The following SLC22A8 variants were observed in gnomAD, a reference collection of about 807,000 sequenced individuals.
The protein encoded by SLC22A8 is organic anion transporter 3.
SLC22A8 carries 40 observed loss-of-function variants against 48.4 expected under a neutral mutation model. The ratio of observed to expected loss-of-function variants is 0.83; its 90% confidence interval spans 0.64 to 1.08. The LOEUF (loss-of-function observed/expected upper bound fraction) is 1.08. Among genes scored for constraint, SLC22A8 ranks in the 50% least tolerant of loss-of-function variants. The pLI, the probability that SLC22A8 is intolerant of heterozygous loss-of-function variation, is 0.00. For missense variants in SLC22A8, 606 were observed against 699.0 expected (o/e 0.87, Z 1.50); for synonymous variants, 268 against 286.3 (o/e 0.94, Z 0.65).
chr11:62,996,078 A>G lies in SLC22A8; in HGVS notation c.836T>C (p.Val279Ala). ...TTCCTTCTTGCCATTGAAGACAGCCACCCGCCGGAGTATCTTCAGGGCCTT... is the reference window on the plus strand; with the variant it reads ...TTCCTTCTTGCCATTGAAGACAGCCGCCCGCCGGAGTATCTTCAGGGCCTT... ...SSKALKILRR[V>A]AVFNGKKEEG... Residue 279 changes from valine to alanine, a missense_variant, in exon 6 of 11, where the codon GTG becomes GCG. Coordinates refer to ENST00000336232, the MANE Select transcript of SLC22A8 (RefSeq NM_004254.4). 6.2e-7 allele frequency: 1 copy of G among 1,613,972 alleles called. No homozygotes were observed. The highest frequency in any genetic ancestry group is 1.1e-5 in the South Asian group (1 of 91,062).
chr11:62,998,027 C>T (rs1285917730), intron 5 of SLC22A8, among the ~76,000 whole-genome samples: 1 of 152,170 alleles, frequency 6.6e-6, no homozygotes, highest in African/African-American at 2.4e-5. Context: ...CCTTGGCTCC[C>T]TGCAACCTTC....
chr11:62,995,960 A>T (rs779147661), intron 6 of SLC22A8, 69 bp downstream of exon 6: 1 of 1,608,322 alleles, frequency 6.2e-7, no homozygotes, highest in Non-Finnish European at 8.5e-7. Flanking sequence ...GAACAGAGGC[A>T]AGGGGAGGGG....
chr11:62,994,015 T>C, intron 8 of SLC22A8, 137 bp from the exon 9 acceptor site: 1 of 660,754 alleles, frequency 1.5e-6, no homozygotes, highest in Non-Finnish European at 2.8e-6. Flanking sequence ...AGTAATGCTT[T>C]GCATGCCTGT....
intron 5 of SLC22A8, 87 bp downstream of exon 5, chr11:62,998,834 A>G (rs949806824): frequency 2.5e-6 from 3 of 1,221,498 alleles, no homozygotes; most frequent in Middle Eastern, 2.0e-4. Context: ...CCGGGGACAC[A>G]GAGTTGGCCA....
At chr11:63,008,335 G>C (rs1410326310) in intron 2 of SLC22A8, among the ~76,000 whole-genome samples, 1 of 152,222 alleles carries the variant, frequency 6.6e-6, no homozygotes, top group African/African-American at 2.4e-5. Context: ...TAGTTCAGGG[G>C]CCTTTTGGAG....
At chr11:62,995,262 G>T in intron 7 of SLC22A8, 1 of 241,670 alleles carries the variant, frequency 4.1e-6, no homozygotes, top group Non-Finnish European at 8.1e-6. Context: ...GGCTTTCAGG[G>T]AGCAGGAGAA....
Position 63,001,055 on chromosome 11 carries a change from C to T in SLC22A8, c.334-232G>A, listed in dbSNP as rs1327876456. ...CATGTGTGGCCTGTCATATGGCTCT[C>T]AAAGTCCACTCAGCTACCACATCCA... On this transcript the variant is annotated intron_variant, in intron 2 of 10. Coordinates refer to ENST00000336232, the MANE Select transcript of SLC22A8 (RefSeq NM_004254.4). 6.0e-6 allele frequency: 3 copies of T among 497,384 alleles called. No homozygotes were observed. In the Admixed American group the frequency reaches 9.9e-5, roughly 16 times the overall value. The allele number at this position is 497,384 out of a possible 1,614,324, so 30.8% of individuals were successfully genotyped here. A position where few individuals can be genotyped will look rare whatever the true frequency, so the allele number is the denominator to read the frequency against.
At chr11:62,998,717 G>A (rs769054662) in intron 5 of SLC22A8, among the ~76,000 whole-genome samples, 2 of 152,122 alleles carry the variant, frequency 1.3e-5, no homozygotes, top group African/African-American at 2.4e-5. Context: ...CTGCAGGCAG[G>A]CCCTCCTTCC....
rs761939082 is a variant in SLC22A8 at position 62,999,042 on chromosome 11, G to C, written c.640C>G (p.Leu214Val). The C allele has an allele frequency of 6.2e-7, 1 of 1,614,168 alleles. No homozygotes were observed. The highest frequency in any genetic ancestry group is 1.1e-5 in the South Asian group (1 of 91,084). ...TRMRAIMSTA[L>V]GYCYTFGQFI... is the part of the protein sequence containing the mutation. ...TGGCCAAAGGTGTAGCAGTACCCGA[G>C]TGCTGTCGACATGATGGCCCGCATC... Residue 214 changes from leucine (L) to valine (V), a missense_variant, in exon 5 of 11, where the codon CTC becomes GTC. By Grantham distance (32) the Leu-to-Val change is conservative. Transcript: ENST00000336232.
At chr11:63,002,236 T>A (rs575602723) in intron 2 of SLC22A8, among the ~76,000 whole-genome samples, 2 of 152,270 alleles carry the variant, frequency 1.3e-5, no homozygotes, top group Admixed American at 1.3e-4. Flanking sequence ...TTAAAAAAAA[T>A]TATATCATTT....
chr11:63,014,537 C>T, intron 2 of SLC22A8, 89 bp downstream of exon 2: 1 of 1,217,252 alleles, frequency 8.2e-7, no homozygotes, highest in Non-Finnish European at 1.2e-6. Context: ...CCTGGGAACA[C>T]CAGACCCCAG....
In SLC22A8 at chr11:63,014,852, AG is replaced by A. The variant is rs1436165143; in HGVS notation, c.106del (p.Leu36CysfsTer74). 2 of 1,611,988 alleles carry A rather than the reference AG, an allele frequency of 1.2e-6. No homozygotes were observed. The highest frequency in any genetic ancestry group is 1.7e-6 in the Non-Finnish European group (2 of 1,178,530). On this transcript the variant is annotated frameshift_variant, in exon 2 of 11. Transcript: ENST00000336232. LOFTEE classifies it high-confidence loss of function. Reference protein sequence around the residue: ...LPILNMANHNLLQIFTAATPV... With the variant: ...LPILNMANHNXLQIFTAATPV... Reference sequence around the variant, plus strand: ...GGTGGCGGCTGTGAAGATCTGCAGCAGGTTGTGGTTGGCCATGTTGAGGATC... The same window carrying A: ...GGTGGCGGCTGTGAAGATCTGCAGCAGTTGTGGTTGGCCATGTTGAGGATC...
rs1321668660 is a variant in SLC22A8 at position 62,999,804 on chromosome 11, AGCAGGTAGCT to A, written c.466_475del (p.Ser156CysfsTer34). The stretch of plus-strand genomic sequence containing the variant: ...TGCACCGGAGCCGCTGGCTGCCAGC[AGCAGGTAGCT>A]GCAGGTCAGGATGGGCCTGCGGCCA... On this transcript the variant is annotated frameshift_variant, in exon 4 of 11. Transcript: ENST00000336232. LOFTEE classifies it high-confidence loss of function. 4.4e-6 allele frequency: 7 copies of A among 1,602,858 alleles called. No individual in the cohort carries two copies. The African/African-American group carries it at 8.1e-5, about 18-fold the overall frequency.
At chr11:63,010,853 G>C (rs992807811) in intron 2 of SLC22A8, among the ~76,000 whole-genome samples, 1 of 152,182 alleles carries the variant, frequency 6.6e-6, no homozygotes, top group African/African-American at 2.4e-5. Context: ...CTCTCTCTCC[G>C]TCTGGCCTTT....
At chr11:63,013,731 G>A (rs948653686) in intron 2 of SLC22A8, among the ~76,000 whole-genome samples, 4 of 152,186 alleles carry the variant, frequency 2.6e-5, no homozygotes, top group African/African-American at 9.7e-5. Context: ...TCTGTAAGGG[G>A]AGATAGAAAT....
intron 3 of SLC22A8, among the ~76,000 whole-genome samples, chr11:63,000,049 C>T (rs546452363): frequency 2.6e-5 from 4 of 152,344 alleles, no homozygotes; most frequent in Admixed American, 2.6e-4. Flanking sequence ...TGAGTGATCT[C>T]CTCTACATCC....
chr11:63,015,014 A>G (rs1010009741), intron 1 of SLC22A8, 31 bp from the exon 2 acceptor site: 3 of 1,466,954 alleles, frequency 2.0e-6, no homozygotes, highest in African/African-American at 1.4e-5. Flanking sequence ...AGGGAGAGGT[A>G]TATTTGTGCC....
chr11:62,994,407 G>T, intron 8 of SLC22A8, 135 bp downstream of exon 8: 1 of 655,196 alleles, frequency 1.5e-6, no homozygotes, highest in Non-Finnish European at 2.7e-6. Context: ...CTAGAAGAGA[G>T]ACCCTGAGCC....
intron 4 of SLC22A8, 91 bp from the exon 5 acceptor site, chr11:62,999,180 T>G: frequency 8.9e-7 from 1 of 1,124,738 alleles, no homozygotes; most frequent in South Asian, 1.4e-5. Context: ...TCCCCACGGC[T>G]ACTGACATCC....
Sources: gnomAD v4.1 joint callset for allele counts (sites outside exome capture counted in the v4.1 genomes callset) on GRCh38, gnomAD v4.1.1 for gene constraint, MANE v1.5 for transcripts, NCBI Gene and HGNC (gene_info 2026-07-23, HGNC 2026-07-21) for gene names.